The following RPS6KA5 variants were observed in gnomAD, a reference collection of about 807,000 sequenced individuals.
RPS6KA5 encodes ribosomal protein S6 kinase alpha-5.
Under a neutral mutation model 85.5 loss-of-function variants are expected in RPS6KA5, and 27 were observed. The ratio of observed to expected loss-of-function variants is 0.32; its 90% CI spans 0.23 to 0.44. The LOEUF is 0.44. Ranked by LOEUF, RPS6KA5 falls within the 20% of genes least tolerant of loss-of-function variation. The pLI, the probability that RPS6KA5 is intolerant of heterozygous loss-of-function variation, is 1.00. For synonymous variants in RPS6KA5, 334 were observed against 348.2 expected, an observed-to-expected ratio of 0.96 and a Z score of 0.46; for missense variants, 811 against 980.9, an observed-to-expected ratio of 0.83 and a Z score of 2.31.
At chr14:90,982,625 G>A (rs1191192658) in intron 2 of RPS6KA5, among the ~76,000 whole-genome samples, 1 of 152,180 alleles carries the variant, frequency 6.6e-6, no homozygotes, top group Non-Finnish European at 1.5e-5. Context: ...CGTGTCTACC[G>A]CTGTTAATCT....
chr14:90,918,490 T>TA (rs1298020475), intron 7 of RPS6KA5, among the ~76,000 whole-genome samples: 2 of 152,210 alleles, frequency 1.3e-5, no homozygotes, highest in Non-Finnish European at 2.9e-5. Context: ...TTCATTCTCT[T>TA]AACAGTTTTG....
intron 1 of RPS6KA5, among the ~76,000 whole-genome samples, chr14:91,040,627 C>T (rs1483159184): frequency 6.6e-6 from 1 of 151,986 alleles, no homozygotes; most frequent in Non-Finnish European, 1.5e-5. Context: ...GCAATGATAA[C>T]ATTTGCTTTC....
chr14:90,872,641 A>C (rs537175860), intron 16 of RPS6KA5, among the ~76,000 whole-genome samples: 1 of 152,316 alleles, frequency 6.6e-6, no homozygotes, highest in South Asian at 2.1e-4. Context: ...GACCATCAGT[A>C]ATCTAAACTA....
chr14:91,056,928 G>A (rs942425179), intron 1 of RPS6KA5, among the ~76,000 whole-genome samples: 2 of 130,536 alleles, frequency 1.5e-5, no homozygotes, highest in Non-Finnish European at 3.1e-5. Context: ...TTGTCAGGCT[G>A]GCGTGCAATG....
At chr14:91,020,509 A>C (rs2041702924) in intron 1 of RPS6KA5, among the ~76,000 whole-genome samples, 1 of 143,612 alleles carries the variant, frequency 7.0e-6, no homozygotes, top group African/African-American at 2.6e-5. Context: ...CCTGAAACCA[A>C]TCTCCTATGG....
intron 2 of RPS6KA5, among the ~76,000 whole-genome samples, chr14:90,988,918 T>C (rs1388603153): frequency 1.3e-5 from 2 of 152,246 alleles, no homozygotes; most frequent in Non-Finnish European, 2.9e-5. Context: ...GCTAACAAAA[T>C]TGCAATTAGC....
chr14:90,958,374 T>G (rs1452358953), intron 3 of RPS6KA5, among the ~76,000 whole-genome samples: 1 of 152,332 alleles, frequency 6.6e-6, no homozygotes, highest in East Asian at 1.9e-4. Flanking sequence ...CAGTTTTCTT[T>G]CATTTCTCTT....
rs113108748 is a variant in RPS6KA5 at position 91,027,527 on chromosome 14, G to A, written c.104-26368C>T. The stretch of plus-strand genomic sequence containing the variant: ...AGCTCCACAGTCTTAAAAAAATTCT[G>A]AGAGGCTTCATACCAGACTTTCTAC... On this transcript the variant is annotated intron_variant, in intron 1 of 16. Coordinates refer to ENST00000614987, the MANE Select transcript of RPS6KA5 (RefSeq NM_004755.4). Among the ~76,000 whole-genome samples the A allele has an allele frequency of 7.0e-4, 107 of 152,162 alleles. 1 individual carries two copies. The highest frequency in any genetic ancestry group is 2.5e-3 in the African/African-American group (102 of 41,500).
At chr14:90,872,422 G>T in intron 16 of RPS6KA5, 100 bp from the exon 17 acceptor site, 1 of 1,396,042 alleles carries the variant, frequency 7.2e-7, no homozygotes, top group South Asian at 1.5e-5. Context: ...ATTGGCAACT[G>T]CAGCCCCAAG....
intron 7 of RPS6KA5, among the ~76,000 whole-genome samples, chr14:90,913,376 T>C (rs1045316022): frequency 6.6e-6 from 1 of 152,192 alleles, no homozygotes; most frequent in African/African-American, 2.4e-5. Flanking sequence ...GATGAATGCA[T>C]GATACTGCAA....
At chr14:90,922,586 T>C (rs1240767575) in intron 6 of RPS6KA5, among the ~76,000 whole-genome samples, 2 of 152,212 alleles carry the variant, frequency 1.3e-5, no homozygotes, top group African/African-American at 4.8e-5. Flanking sequence ...TAGCTGAAAT[T>C]ACAGGCGCTC....
chr14:90,948,446 C>G (rs2037988259), intron 3 of RPS6KA5, among the ~76,000 whole-genome samples: 1 of 152,184 alleles, frequency 6.6e-6, no homozygotes, highest in Non-Finnish European at 1.5e-5. Context: ...CCTGTAATCT[C>G]AGCACTTTGG....
At position 90,899,319 on chromosome 14, in the gene RPS6KA5, A is replaced by AAG; in HGVS notation, c.1473+9_1473+10insCT. 2 of 1,530,840 alleles carry AAG rather than the reference A, an allele frequency of 1.3e-6. No homozygotes were observed. Among genetic ancestry groups the AAG allele is most frequent in the Non-Finnish European group, 1.8e-6 (2 of 1,124,320 alleles). 94.8% of individuals were successfully genotyped at this position (1,530,840 alleles called of 1,614,324 possible). A position where few individuals can be genotyped will look rare whatever the true frequency, so the allele number is the denominator to read the frequency against. ...ACACATGGGAAAAAAAAAAAAAAAAAGTAGGATACCTGATCATGAAAAACT... is the reference window on the plus strand; with the variant it reads ...ACACATGGGAAAAAAAAAAAAAAAAAAGGTAGGATACCTGATCATGAAAAACT... On this transcript the variant is annotated intron_variant, in intron 12 of 16. Transcript: ENST00000614987.
At chr14:91,035,872 A>C (rs1389060554) in intron 1 of RPS6KA5, among the ~76,000 whole-genome samples, 2 of 141,082 alleles carry the variant, frequency 1.4e-5, no homozygotes, top group Admixed American at 1.4e-4. Flanking sequence ...AAAAAAAAAA[A>C]AAAAAAAAAC....
chr14:90,943,126 A>G lies in RPS6KA5; in HGVS notation c.570T>C (p.His190=), dbSNP rs145964101. The change falls in exon 5 of 17, where the codon CAT becomes CAC. Residue 190 remains histidine, a synonymous_variant. Transcript: ENST00000614987. Reference sequence around the variant, plus strand: ...TCAGACCAAAATCTGTCAGCACCACATGGCCATTAGAATCAAGTAGAATAT... The same window carrying G: ...TCAGACCAAAATCTGTCAGCACCACGTGGCCATTAGAATCAAGTAGAATAT... ...LENILLDSNG[H]VVLTDFGLSK... is the part of the protein sequence containing the mutation. 11 of 1,611,724 alleles carry G rather than the reference A, an allele frequency of 6.8e-6. No homozygotes were observed. The highest frequency in any genetic ancestry group is 1.3e-5 in the African/African-American group (1 of 74,862).
In RPS6KA5 at chr14:90,872,169, CGT is replaced by C; in HGVS notation, c.2312_2313del (p.His771ArgfsTer2). 1 of 1,613,576 alleles carries C rather than the reference CGT, an allele frequency of 6.2e-7. No individual in the cohort carries two copies. The highest frequency in any genetic ancestry group is 8.5e-7 in the Non-Finnish European group (1 of 1,179,930). On this transcript the variant is annotated frameshift_variant, in exon 17 of 17. Transcript: ENST00000614987. LOFTEE classifies it high-confidence loss of function. ...ESSHSSSSHS[H>X]GKTTPTKTLQ... ...AGTGTCTTGGTGGGTGTAGTTTTACCGTGAGAATGAGAGGAAGAAGAATGGGA... is the reference window on the plus strand; with the variant it reads ...AGTGTCTTGGTGGGTGTAGTTTTACCGAGAATGAGAGGAAGAAGAATGGGA...
intron 1 of RPS6KA5, among the ~76,000 whole-genome samples, chr14:91,035,201 C>T (rs946368802): frequency 8.0e-5 from 12 of 150,584 alleles, no homozygotes; most frequent in African/African-American, 2.9e-4. Context: ...TCCCCACTCA[C>T]CCTTAAAAAA....
intron 2 of RPS6KA5, 116 bp from the exon 3 acceptor site, chr14:90,978,640 C>T: frequency 1.4e-6 from 1 of 697,478 alleles, no homozygotes; most frequent in Non-Finnish European, 2.3e-6. Flanking sequence ...GGAAAAAGTA[C>T]CCTTGGTACC....
chr14:90,890,383 T>C, intron 14 of RPS6KA5, 104 bp downstream of exon 14: 1 of 1,000,160 alleles, frequency 1.0e-6, no homozygotes. Flanking sequence ...AGAAACCACT[T>C]TGCCAATTTT....
Sources: allele counts gnomAD v4.1 joint callset (sites outside exome capture counted in the v4.1 genomes callset), GRCh38; gene constraint gnomAD v4.1.1; transcripts MANE v1.5; gene names NCBI Gene and HGNC (gene_info 2026-07-23, HGNC 2026-07-21).